The following MAMDC2 variants were observed in gnomAD, a reference collection of about 807,000 sequenced individuals.
MAMDC2 encodes the protein MAM domain-containing protein 2.
MAMDC2 carries 57 observed loss-of-function variants against 89.8 expected under a neutral mutation model. The observed-to-expected ratio is 0.63, with a 90% CI of 0.51 to 0.79. The LOEUF (loss-of-function observed/expected upper bound fraction) is 0.79, where lower values mean the gene tolerates loss of function less well. MAMDC2 is among the 30% of genes least tolerant of loss of function. The pLI is 0.00. For missense variants in MAMDC2, 800 were observed against 820.6 expected (o/e 0.97, Z 0.31); for synonymous variants, 313 against 293.4 (o/e 1.07, Z -0.68).
chr9:70,195,732 C>T (rs1563994900), intron 11 of MAMDC2, among the ~76,000 whole-genome samples: 2 of 152,056 alleles, frequency 1.3e-5, no homozygotes, highest in African/African-American at 2.4e-5. Context: ...GTGTTTGTCA[C>T]CTTCATTTTA....
At chr9:70,062,378 G>A (rs994969672) in intron 2 of MAMDC2, among the ~76,000 whole-genome samples, 2 of 152,030 alleles carry the variant, frequency 1.3e-5, no homozygotes, top group Non-Finnish European at 2.9e-5. Flanking sequence ...TTAATTGAAG[G>A]ATCGTAAGAG....
At chr9:70,106,965 T>G (rs1307851789) in intron 2 of MAMDC2, among the ~76,000 whole-genome samples, 1 of 152,056 alleles carries the variant, frequency 6.6e-6, no homozygotes, top group East Asian at 1.9e-4. Flanking sequence ...GAGGACAGGC[T>G]GAAGAACATC....
chr9:70,170,709 A>T, intron 11 of MAMDC2, 78 bp downstream of exon 11: 1 of 1,348,134 alleles, frequency 7.4e-7, no homozygotes, highest in Non-Finnish European at 1.0e-6. Context: ...CTGCATTTTG[A>T]AATGTGCAAA....
chr9:70,164,088 A>T (rs1402570622), intron 9 of MAMDC2, among the ~76,000 whole-genome samples: 1 of 152,090 alleles, frequency 6.6e-6, no homozygotes, highest in Non-Finnish European at 1.5e-5. Context: ...GTTCTCAGGG[A>T]GATTTTCCCC....
At chr9:70,091,285 G>A (rs928381349) in intron 2 of MAMDC2, among the ~76,000 whole-genome samples, 43 of 152,058 alleles carry the variant, frequency 2.8e-4, no homozygotes, top group Admixed American at 1.4e-3. Context: ...TTTCTTGCTC[G>A]GCTCAGCCCA....
chr9:70,193,698 G>A (rs1563994178), intron 11 of MAMDC2, among the ~76,000 whole-genome samples: 1 of 152,056 alleles, frequency 6.6e-6, no homozygotes, highest in Non-Finnish European at 1.5e-5. Flanking sequence ...CAAAGACTTG[G>A]CTAGGAGCAC....
intron 2 of MAMDC2, chr9:70,082,829 TC>T (rs1193651938): frequency 1.3e-5 from 2 of 152,164 alleles, no homozygotes; most frequent in African/African-American, 4.8e-5. Flanking sequence ...AATTCCTTGT[TC>T]TTTCAGACCT....
chr9:70,218,275 T>C (rs112567428), intron 11 of MAMDC2, 62 bp from the exon 12 acceptor site: 1 of 1,532,124 alleles, frequency 6.5e-7, no homozygotes, highest in Non-Finnish European at 8.8e-7. Context: ...AAGAACATTA[T>C]GAAAGGAGAA....
chr9:70,205,036 G>A (rs2033194852), intron 11 of MAMDC2, among the ~76,000 whole-genome samples: 1 of 152,242 alleles, frequency 6.6e-6, no homozygotes, highest in African/African-American at 2.4e-5. Flanking sequence ...CACGCTGGGA[G>A]CTGTAGACCA....
intron 11 of MAMDC2, among the ~76,000 whole-genome samples, chr9:70,212,194 G>T (rs1243120514): frequency 6.6e-6 from 1 of 152,238 alleles, no homozygotes; most frequent in African/African-American, 2.4e-5. Context: ...AGTTTCTGCT[G>T]CCTTTTGTTC....
intron 2 of MAMDC2, among the ~76,000 whole-genome samples, chr9:70,094,858 A>G (rs1448885661): frequency 6.6e-6 from 1 of 152,244 alleles, no homozygotes; most frequent in African/African-American, 2.4e-5. Flanking sequence ...ACATCTAACC[A>G]TGTTTGGAGG....
chr9:70,070,087 T>C (rs116433666), intron 2 of MAMDC2, among the ~76,000 whole-genome samples: 1,603 of 152,326 alleles, frequency 0.011, 34 homozygotes, highest in African/African-American at 0.036. Flanking sequence ...ACATACTATG[T>C]GGGAGATTCA....
At chr9:70,169,595 C>G (rs1030199656) in intron 10 of MAMDC2, 1 of 152,106 alleles carries the variant, frequency 6.6e-6, no homozygotes, top group Non-Finnish European at 1.5e-5. Context: ...TTAACCAGTA[C>G]TGTGTGTAAA....
intron 5 of MAMDC2, among the ~76,000 whole-genome samples, chr9:70,120,984 T>C (rs956190557): frequency 1.3e-5 from 2 of 152,178 alleles, no homozygotes; most frequent in African/African-American, 4.8e-5. Flanking sequence ...CCAGGTTGTC[T>C]GCCCTACTGG....
At chr9:70,196,168 A>G (rs2032972066) in intron 11 of MAMDC2, among the ~76,000 whole-genome samples, 1 of 152,032 alleles carries the variant, frequency 6.6e-6, no homozygotes, top group African/African-American at 2.4e-5. Context: ...GTATGGGGGG[A>G]ACCAATCTCA....
At chr9:70,116,872 C>T (rs1296378356) in intron 5 of MAMDC2, among the ~76,000 whole-genome samples, 1 of 152,108 alleles carries the variant, frequency 6.6e-6, no homozygotes, top group Non-Finnish European at 1.5e-5. Flanking sequence ...GTACTTGCCT[C>T]TCTTCCCTCT....
rs549148288 is a variant in MAMDC2 at position 70,179,025 on chromosome 9, G to A, written c.1651+8394G>A. On this transcript the variant is annotated intron_variant, in intron 11 of 13. Transcript: ENST00000377182. ...ATATAGGCTTTTTTGTGCAATATTG[G>A]CAGTTTTGTTTTAATATTTCCAAAG... Among the ~76,000 whole-genome samples, 7 of 152,248 alleles carry A rather than the reference G, an allele frequency of 4.6e-5. No homozygotes were observed. In the South Asian group the frequency reaches 1.5e-3, roughly 32 times the overall value.
chr9:70,108,282 C>A lies in MAMDC2; in HGVS notation c.220C>A (p.Gln74Lys), dbSNP rs1436948508. 6.2e-7 allele frequency: 1 copy of A among 1,614,048 alleles called. No individual in the cohort carries two copies. Among genetic ancestry groups the A allele is most frequent in the African/African-American group, 1.3e-5 (1 of 75,050 alleles). The change falls in exon 3 of 14, where the codon CAG becomes AAG. Residue 74 changes from glutamine to lysine, a missense_variant. Coordinates refer to ENST00000377182, the MANE Select transcript of MAMDC2 (RefSeq NM_153267.5). ...EKAVLLSPDL[Q>K]AEEWSCLRLV... ...AGCTGTGCTGCTAAGTCCTGACTTACAGGCTGAGGAATGGAGCTGCCTCCG... is the reference window on the plus strand; with the variant it reads ...AGCTGTGCTGCTAAGTCCTGACTTAAAGGCTGAGGAATGGAGCTGCCTCCG...
At chr9:70,167,146 C>T (rs2032200886) in intron 9 of MAMDC2, among the ~76,000 whole-genome samples, 1 of 151,966 alleles carries the variant, frequency 6.6e-6, no homozygotes, top group African/African-American at 2.4e-5. Flanking sequence ...AAAAAAAAAT[C>T]CACCCTGTTT....
Sources: allele counts gnomAD v4.1 joint callset (sites outside exome capture counted in the v4.1 genomes callset), GRCh38; gene constraint gnomAD v4.1.1; transcripts MANE v1.5; gene names NCBI Gene and HGNC (gene_info 2026-07-23, HGNC 2026-07-21).